Variants in CETP observed in about 807,000 individuals in gnomAD.
The protein encoded by CETP is BPI fold containing family F.
Under a neutral mutation model 66.5 loss-of-function variants are expected in CETP, and 56 were observed. The observed-to-expected ratio is 0.84, with a 90% CI of 0.68 to 1.05. The LOEUF (loss-of-function observed/expected upper bound fraction) is 1.05. Among genes scored for constraint, CETP ranks in the 50% least tolerant of loss-of-function variants. The probability of loss-of-function intolerance (pLI) is 0.00; values close to 1 mark genes in which losing one functional copy is unlikely to be tolerated. For missense variants in CETP, 612 were observed against 609.6 expected (o/e 1.00, Z -0.04); for synonymous variants, 251 against 245.7 (o/e 1.02, Z -0.20).
At chr16:56,969,878 G>T (rs1361169092) in intron 4 of CETP, 36 bp from the exon 5 acceptor site, 1 of 1,605,030 alleles carries the variant, frequency 6.2e-7, no homozygotes, top group Non-Finnish European at 8.5e-7. Context: ...TCTGATAGCG[G>T]AGGCTGCCCT....
At chr16:56,963,167 C>A (rs143275517) in intron 2 of CETP, 43 bp downstream of exon 2, 2 of 1,491,720 alleles carry the variant, frequency 1.3e-6, no homozygotes, top group Admixed American at 1.7e-5. Flanking sequence ...GGTAGGGAGG[C>A]GGGAGGAACA....
intron 5 of CETP, 148 bp from the exon 6 acceptor site, chr16:56,970,885 T>C: frequency 1.3e-6 from 1 of 770,830 alleles, no homozygotes; most frequent in Non-Finnish European, 2.2e-6. Flanking sequence ...CTCCGTGTTC[T>C]CAGCTGCAAA....
At position 56,969,531 on chromosome 16, in the gene CETP, C is replaced by T; in HGVS notation, c.368+11C>T. 3 of 1,614,236 alleles carry T rather than the reference C, an allele frequency of 1.9e-6. No homozygotes were observed. Among genetic ancestry groups the T allele is most frequent in the Non-Finnish European group, 8.5e-7 (1 of 1,180,040 alleles). Reference sequence around the variant, plus strand: ...CACCACTGCCTGGTGGTAAGCATTCCTGTCAGCTGATGCCCCATGCCCTGG... The same window carrying T: ...CACCACTGCCTGGTGGTAAGCATTCTTGTCAGCTGATGCCCCATGCCCTGG... On this transcript the variant is annotated intron_variant, in intron 3 of 15. Transcript: ENST00000200676.
chr16:56,978,367 G>C, intron 11 of CETP, 112 bp downstream of exon 11: 5 of 1,275,662 alleles, frequency 3.9e-6, no homozygotes, highest in Non-Finnish European at 5.7e-6. Context: ...CACCACCTCT[G>C]CTGGCACTGG....
At chr16:56,963,456 TA>T (rs1387031735) in intron 2 of CETP, among the ~76,000 whole-genome samples, 3 of 152,340 alleles carry the variant, frequency 2.0e-5, no homozygotes, top group South Asian at 2.1e-4. Context: ...AAGTATTTTT[TA>T]AAAAAATGTA....
Position 56,983,317 on chromosome 16 carries a change from C to T in CETP, c.1322-9C>T, listed in dbSNP as rs2056201497. On this transcript the variant is annotated splice_polypyrimidine_tract_variant and intron_variant, in intron 14 of 15. Transcript: ENST00000200676. Reference sequence around the variant, plus strand: ...GAAGGGCTGACTGGGGCTCTGTCCCCTGCCCCAGGGCTCGAGGTAGTGTTT... The same window carrying T: ...GAAGGGCTGACTGGGGCTCTGTCCCTTGCCCCAGGGCTCGAGGTAGTGTTT... 1 of 1,613,514 alleles carries T rather than the reference C, an allele frequency of 6.2e-7. No individual in the cohort carries two copies. Among genetic ancestry groups the T allele is most frequent in the Non-Finnish European group, 8.5e-7 (1 of 1,179,518 alleles).
chr16:56,969,024 C>G (rs2141996489), intron 2 of CETP, among the ~76,000 whole-genome samples: 2 of 151,924 alleles, frequency 1.3e-5, no homozygotes, highest in East Asian at 3.8e-4. Flanking sequence ...TTCAGCACAC[C>G]AGGGTTGACT....
In CETP at chr16:56,983,666, G is replaced by T. The variant is rs762246602; in HGVS notation, c.1482G>T (p.Ter494TyrextTer11). Residue 494 changes from the stop codon to tyrosine (Y), a stop_lost, in exon 16 of 16, where the codon TAG becomes TAT. Coordinates refer to ENST00000200676, the MANE Select transcript of CETP (RefSeq NM_000078.3). ...LLVDFLQSLS[*>Y] The stretch of plus-strand genomic sequence containing the variant: ...TGGATTTCCTCCAGAGCTTGAGCTA[G>T]AAGTCTCCAAGGAGGTCGGGATGGG... 5.0e-6 allele frequency: 8 copies of T among 1,614,004 alleles called. No individual in the cohort carries two copies. The African/African-American group carries it at 6.7e-5, about 13-fold the overall frequency.
rs546026764 is a variant in CETP, at chr16:56,971,208, T to C, written c.597+106T>C. 4 of 1,498,660 alleles carry C rather than the reference T, an allele frequency of 2.7e-6. No homozygotes were observed. In the South Asian group the frequency reaches 3.4e-5, roughly 13 times the overall value. 92.8% of individuals were successfully genotyped at this position (1,498,660 alleles called of 1,614,324 possible). ...GAAGGTGCCACTCCCACCTTCTCCA[T>C]GTGGCCAGTCCCCTGTGCCGGTCCC... is the stretch of plus-strand genomic sequence containing the variant. On this transcript the variant is annotated intron_variant, in intron 6 of 15. Transcript: ENST00000200676.
chr16:56,973,352 G>A lies in CETP; in HGVS notation c.772G>A (p.Val258Ile). ...CCAGGGTCATTTCATCTACAAGAAT[G>A]TCTCAGAGGACCTCCCCCTCCCCAC... ...HHKGHFIYKN[V>I]SEDLPLPTFS... Residue 258 changes from valine to isoleucine, a missense_variant, in exon 9 of 16, where the codon GTC (valine) becomes ATC (isoleucine). By Grantham distance (29) the Val-to-Ile change is conservative. Coordinates refer to ENST00000200676, the MANE Select transcript of CETP (RefSeq NM_000078.3). 1 of 1,614,178 alleles carries A rather than the reference G, an allele frequency of 6.2e-7. No individual in the cohort carries two copies. The highest frequency in any genetic ancestry group is 1.1e-5 in the South Asian group (1 of 91,084).
intron 8 of CETP, 72 bp from the exon 9 acceptor site, chr16:56,973,259 C>A (rs1212982770): frequency 2.6e-6 from 4 of 1,518,684 alleles, no homozygotes; most frequent in Non-Finnish European, 3.6e-6. Context: ...GGGCTCCTCC[C>A]AATCTCCCTG....
chr16:56,969,511 C>T lies in CETP; in HGVS notation c.359C>T (p.Thr120Ile). The change falls in exon 3 of 16, where the codon ACT becomes ATT. Residue 120 changes from threonine to isoleucine, a missense_variant. Physicochemically the swap from Thr to Ile is moderately conservative, Grantham distance 89. Coordinates refer to ENST00000200676, the MANE Select transcript of CETP (RefSeq NM_000078.3). ...FKGTLKYGYT[T>I]AWWLGIDQSI... ...GGGACCCTGAAGTATGGCTACACCACTGCCTGGTGGTAAGCATTCCTGTCA... is the reference window on the plus strand; with the variant it reads ...GGGACCCTGAAGTATGGCTACACCATTGCCTGGTGGTAAGCATTCCTGTCA... 2 of 1,614,222 alleles carry T rather than the reference C, an allele frequency of 1.2e-6. No individual in the cohort carries two copies. The highest frequency in any genetic ancestry group is 1.7e-6 in the Non-Finnish European group (2 of 1,180,038).
Position 56,983,718 on chromosome 16 carries a change from C to T in CETP, c.*52C>T. 6.5e-7 allele frequency: 1 copy of T among 1,538,768 alleles called. No individual in the cohort carries two copies. The highest frequency in any genetic ancestry group is 1.4e-5 in the African/African-American group (1 of 73,524). The stretch of plus-strand genomic sequence containing the variant: ...CTTGTAGCAGAAGGCAAGCACCAGG[C>T]TCACAGCTGGAACCCTGGTGTCTCC... On this transcript the variant is annotated 3_prime_UTR_variant, in exon 16 of 16. Coordinates refer to ENST00000200676, the MANE Select transcript of CETP (RefSeq NM_000078.3).
At chr16:56,974,095 G>A (rs766249451) in intron 9 of CETP, among the ~76,000 whole-genome samples, 17 of 152,108 alleles carry the variant, frequency 1.1e-4, no homozygotes, top group Admixed American at 6.5e-4. Context: ...CCTTGGTTTC[G>A]GGTCTGGTCT....
At chr16:56,971,289 T>G (rs1179465833) in intron 6 of CETP, 32 bp from the exon 7 acceptor site, 1 of 1,611,956 alleles carries the variant, frequency 6.2e-7, no homozygotes. Context: ...CCTCCTTTCC[T>G]GCCTGGAAAG....
intron 2 of CETP, among the ~76,000 whole-genome samples, chr16:56,965,165 A>C (rs1429043207): frequency 6.6e-6 from 1 of 152,244 alleles, no homozygotes; most frequent in Non-Finnish European, 1.5e-5. Flanking sequence ...AGCGTTGAGA[A>C]GTTAAAGAAA....
intron 2 of CETP, among the ~76,000 whole-genome samples, chr16:56,967,656 A>G (rs1376210276): frequency 9.3e-6 from 1 of 107,446 alleles, no homozygotes; most frequent in Non-Finnish European, 2.1e-5. Flanking sequence ...CTCAGTCTCA[A>G]AAAAAAAAAA....
rs34680782 is a variant in CETP, at chr16:56,962,148, C to A, written c.118+51C>A. On this transcript the variant is annotated intron_variant, in intron 1 of 15. Transcript: ENST00000200676. ...CTGCCAGGGGTCTTTTCATGGACAC[C>A]CACTATGCCAGGAGCCTCCCTGGCC... The A allele has an allele frequency of 6.3e-4, 934 of 1,479,404 alleles. 8 individuals are homozygous for A. In the African/African-American group the frequency reaches 0.011, roughly 18 times the overall value. 91.6% of individuals were successfully genotyped at this position (1,479,404 alleles called of 1,614,324 possible). A position where few individuals can be genotyped will look rare whatever the true frequency, so the allele number is the denominator to read the frequency against.
At chr16:56,967,374 G>A (rs1596997095) in intron 2 of CETP, among the ~76,000 whole-genome samples, 1 of 150,436 alleles carries the variant, frequency 6.6e-6, no homozygotes, top group Middle Eastern at 3.5e-3. Context: ...AAAAAAAACG[G>A]GTTGGGCATG....
Sources: allele counts gnomAD v4.1 joint callset (sites outside exome capture counted in the v4.1 genomes callset), GRCh38; gene constraint gnomAD v4.1.1; transcripts MANE v1.5; gene names NCBI Gene and HGNC (gene_info 2026-07-23, HGNC 2026-07-21).